Variants in RBPMS observed in about 807,000 individuals in gnomAD.
The protein encoded by RBPMS is RNA binding protein, mRNA processing factor.
RBPMS carries 7 observed loss-of-function variants against 26.8 expected under a neutral mutation model. The ratio of observed to expected loss-of-function variants is 0.26; its 90% confidence interval spans 0.15 to 0.49. The LOEUF (loss-of-function observed/expected upper bound fraction) is 0.49, where lower values mean the gene tolerates loss of function less well. RBPMS is among the 20% of genes least tolerant of loss of function. The pLI, the probability that RBPMS is intolerant of heterozygous loss-of-function variation, is 0.98. For synonymous variants in RBPMS, 96 were observed against 93.3 expected (o/e 1.03, Z -0.17); for missense variants, 186 against 250.0 (o/e 0.74, Z 1.73).
chr8:30,450,787 C>CAAAAAAAAAAAAAAAAAA (rs59577795), intron 1 of RBPMS, among the ~76,000 whole-genome samples: 1 of 87,384 alleles, frequency 1.1e-5, no homozygotes, highest in Non-Finnish European at 2.2e-5. Flanking sequence ...TGCCTGAAAG[C>CAAAAAAAAAAAAAAAAAA]AAAAAAAAAA....
intron 1 of RBPMS, among the ~76,000 whole-genome samples, chr8:30,415,245 T>C (rs1444574424): frequency 2.0e-5 from 3 of 152,114 alleles, no homozygotes; most frequent in African/African-American, 7.2e-5. Flanking sequence ...TTTCCAAATA[T>C]CTCTCAAATC....
At chr8:30,413,310 A>T (rs1003748052) in intron 1 of RBPMS, among the ~76,000 whole-genome samples, 1 of 152,104 alleles carries the variant, frequency 6.6e-6, no homozygotes, top group Admixed American at 6.5e-5. Context: ...GCCTCAAGCA[A>T]TCCTCCCACC....
intron 8 of RBPMS, among the ~76,000 whole-genome samples, chr8:30,567,895 TC>T (rs1828008927): frequency 6.6e-6 from 1 of 152,168 alleles, no homozygotes; most frequent in African/African-American, 2.4e-5. Context: ...CTTGGGGCCT[TC>T]CCTGGGTTAC....
Position 30,570,723 on chromosome 8 carries a change from ATAAT to A in RBPMS, c.*203_*206del, listed in dbSNP as rs1023783347. 7 of 152,788 alleles carry A rather than the reference ATAAT, an allele frequency of 4.6e-5. No homozygotes were observed. The highest frequency in any genetic ancestry group is 4.1e-4 in the South Asian group (2 of 4,824). 9.5% of individuals were successfully genotyped at this position (152,788 alleles called of 1,614,324 possible). A position where few individuals can be genotyped will look rare whatever the true frequency, so the allele number is the denominator to read the frequency against. On this transcript the variant is annotated 3_prime_UTR_variant, in exon 9 of 9. Transcript: ENST00000397323. ...ATCTGTTTTTCTCGAAGAAAAAAAT[ATAAT>A]TAATAAAAATGTTTTACTCTTTTAC... is the stretch of plus-strand genomic sequence containing the variant.
In RBPMS at chr8:30,500,924, T is replaced by A. The variant is rs193250190; in HGVS notation, c.247-3362T>A. The stretch of plus-strand genomic sequence containing the variant: ...TATCTGATCTGTTCTAGTCCCTTCA[T>A]TGAGTCTGTCTTCCCTACCACCCCT... On this transcript the variant is annotated intron_variant, in intron 4 of 8. Transcript: ENST00000397323. 2.4e-4 allele frequency among the ~76,000 whole-genome samples: 36 copies of A among 152,270 alleles called. 1 individual carries two copies. Among genetic ancestry groups the A allele is most frequent in the African/African-American group, 8.4e-4 (35 of 41,558 alleles).
At chr8:30,545,326 A>C in intron 6 of RBPMS, 1 of 1,156,494 alleles carries the variant, frequency 8.6e-7, no homozygotes, top group Non-Finnish European at 1.1e-6. Flanking sequence ...ACATACTAAC[A>C]CTTCCTCTCC....
intron 4 of RBPMS, among the ~76,000 whole-genome samples, chr8:30,498,831 C>T (rs1211355399): frequency 1.3e-5 from 2 of 151,860 alleles, no homozygotes; most frequent in African/African-American, 4.8e-5. Context: ...GGAATTGGAG[C>T]TATCAGTATG....
At chr8:30,481,244 G>T (rs1365959575) in intron 4 of RBPMS, among the ~76,000 whole-genome samples, 1 of 152,218 alleles carries the variant, frequency 6.6e-6, no homozygotes, top group Non-Finnish European at 1.5e-5. Flanking sequence ...GAGATTACAA[G>T]CGTGAGCCAC....
chr8:30,395,384 G>C (rs1808180071), intron 1 of RBPMS, among the ~76,000 whole-genome samples: 1 of 31,464 alleles, frequency 3.2e-5, no homozygotes, highest in Non-Finnish European at 4.7e-5. Context: ...AGGATTGCCT[G>C]AGCTCGGGAG....
intron 1 of RBPMS, among the ~76,000 whole-genome samples, chr8:30,407,837 T>G (rs1017135388): frequency 8.3e-6 from 1 of 120,068 alleles, no homozygotes; most frequent in African/African-American, 3.3e-5. Context: ...AGCCTGGATT[T>G]GAACCTGGTC....
intron 6 of RBPMS, chr8:30,556,354 C>A: frequency 1.0e-6 from 1 of 985,634 alleles, no homozygotes. Context: ...GCACGCTCGT[C>A]CCCAACCCTG....
At chr8:30,447,175 G>A (rs4422738) in intron 1 of RBPMS, among the ~76,000 whole-genome samples, 51,043 of 151,918 alleles carry the variant, frequency 0.34, 9,236 homozygotes, top group African/African-American at 0.46. Flanking sequence ...AGAATCTGAA[G>A]CTTTTTGTCT....
chr8:30,484,499 TAGAATA>T (rs1296796797), intron 4 of RBPMS, among the ~76,000 whole-genome samples: 2 of 152,182 alleles, frequency 1.3e-5, no homozygotes, highest in African/African-American at 4.8e-5. Context: ...AAATAGATTT[TAGAATA>T]AAGAGTTGAA....
Position 30,547,476 on chromosome 8 carries a change from C to T in RBPMS, c.528+2852C>T, listed in dbSNP as rs949553709. 3.6e-5 allele frequency: 56 copies of T among 1,556,510 alleles called. No homozygotes were observed. In the Middle Eastern group the frequency reaches 5.2e-4, roughly 14 times the overall value. On this transcript the variant is annotated intron_variant, in intron 6 of 8. Transcript: ENST00000397323. ...TTCACAAAAACTATTTCTTGACGAC[C>T]TTTGAGAGATTTCAATAAAAATTTT... is the stretch of plus-strand genomic sequence containing the variant.
chr8:30,432,918 G>C (rs1563313575), intron 1 of RBPMS, among the ~76,000 whole-genome samples: 1 of 152,180 alleles, frequency 6.6e-6, no homozygotes, highest in African/African-American at 2.4e-5. Context: ...GTTGATCCAA[G>C]AAAAATCACA....
At chr8:30,426,680 CTTTTTTTT>C (rs796851926) in intron 1 of RBPMS, among the ~76,000 whole-genome samples, 79 of 127,700 alleles carry the variant, frequency 6.2e-4, no homozygotes, top group African/African-American at 2.2e-3. Context: ...CAGTGATTTT[CTTTTTTTT>C]TTTTTTTTGC....
chr8:30,550,420 T>G (rs930251659), intron 6 of RBPMS, among the ~76,000 whole-genome samples: 1 of 152,178 alleles, frequency 6.6e-6, no homozygotes, highest in African/African-American at 2.4e-5. Context: ...GGCTTCATGT[T>G]TGCTTTAAAG....
intron 1 of RBPMS, among the ~76,000 whole-genome samples, chr8:30,448,941 G>A (rs183667166): frequency 6.6e-5 from 10 of 152,102 alleles, no homozygotes; most frequent in African/African-American, 2.4e-4. Context: ...GCTGTCTTTC[G>A]TTTAACTGCT....
intron 5 of RBPMS, among the ~76,000 whole-genome samples, chr8:30,537,048 C>A (rs1473502435): frequency 6.6e-6 from 1 of 152,138 alleles, no homozygotes; most frequent in African/African-American, 2.4e-5. Flanking sequence ...AACCCTCATC[C>A]CAGCAGCTGC....
Sources: gnomAD v4.1 joint callset for allele counts (sites outside exome capture counted in the v4.1 genomes callset) on GRCh38, gnomAD v4.1.1 for gene constraint, MANE v1.5 for transcripts, NCBI Gene and HGNC (gene_info 2026-07-23, HGNC 2026-07-21) for gene names.